Variants in PTPRS observed in about 807,000 individuals in gnomAD.
PTPRS encodes the protein receptor-type tyrosine-protein phosphatase S.
Under a neutral mutation model 215.3 loss-of-function variants are expected in PTPRS, and 63 were observed. The ratio of observed to expected loss-of-function variants is 0.29; its 90% confidence interval spans 0.24 to 0.36. PTPRS has a LOEUF of 0.36. Ranked by LOEUF, PTPRS falls within the 10% of genes least tolerant of loss-of-function variation. PTPRS has a pLI of 1.00. For synonymous variants in PTPRS, 1,404 were observed against 1,191.4 expected, an observed-to-expected ratio of 1.18 and a Z score of -3.68; for missense variants, 2,258 against 2,825.8, an observed-to-expected ratio of 0.80 and a Z score of 4.56.
intron 10 of PTPRS, among the ~76,000 whole-genome samples, chr19:5,245,376 A>G (rs1599661937): frequency 6.8e-6 from 1 of 146,510 alleles, no homozygotes; most frequent in Non-Finnish European, 1.5e-5. Flanking sequence ...GCAGCCTTGA[A>G]CTCCTGGGCT....
intron 1 of PTPRS, among the ~76,000 whole-genome samples, chr19:5,317,995 C>A (rs1003686269): frequency 6.6e-6 from 1 of 152,150 alleles, no homozygotes; most frequent in Non-Finnish European, 1.5e-5. Context: ...CACGGTGAAA[C>A]CCCGTCTCTA....
In PTPRS at chr19:5,340,005, G is replaced by A. The variant is rs942451422; in HGVS notation, c.-95+659C>T. On this transcript the variant is annotated intron_variant, in intron 1 of 37. Transcript: ENST00000262963. ...GTGGGGCAATGCCCGAGTGCCGGAG[G>A]GGCGACCTCCCATAAGGCAACGACA... Among the ~76,000 whole-genome samples, 13 of 151,824 alleles carry A rather than the reference G, an allele frequency of 8.6e-5. No homozygotes were observed. In the East Asian group the frequency reaches 2.5e-3, roughly 30 times the overall value.
rs2040939617 is a variant in PTPRS, at chr19:5,211,971, C to T, written c.5049G>A (p.Glu1683=). The T allele has an allele frequency of 6.2e-7, 1 of 1,601,194 alleles. No individual in the cohort carries two copies. The highest frequency in any genetic ancestry group is 1.8e-4 in the Middle Eastern group (1 of 5,486). Residue 1683 remains glutamate, a synonymous_variant, in exon 32 of 38, where the codon GAG becomes GAA. Coordinates refer to ENST00000262963, the MANE Select transcript of PTPRS (RefSeq NM_002850.4). ...PGEHVTGMEL[E]FKRLANSKAH... is the part of the protein sequence containing the mutation. ...GCCTCCACCCCGCTGGCACCTTGAACTCGAGTTCCATGCCAGTGACGTGTT... is the reference window on the plus strand; with the variant it reads ...GCCTCCACCCCGCTGGCACCTTGAATTCGAGTTCCATGCCAGTGACGTGTT...
intron 2 of PTPRS, among the ~76,000 whole-genome samples, chr19:5,281,624 G>A (rs1410349395): frequency 2.0e-5 from 3 of 152,338 alleles, no homozygotes; most frequent in African/African-American, 7.2e-5. Flanking sequence ...GGCTGGGGCT[G>A]CCCCCTCCTT....
intron 4 of PTPRS, among the ~76,000 whole-genome samples, chr19:5,270,000 G>A (rs2046771436): frequency 6.6e-6 from 1 of 151,200 alleles, no homozygotes; most frequent in Non-Finnish European, 1.5e-5. Flanking sequence ...CCGGGCAGTT[G>A]ATGGCTTCAC....
In PTPRS at chr19:5,212,411, C is replaced by T. The variant is rs61729508; in HGVS notation, c.4695G>A (p.Thr1565=). ...CTCTCCGCAGGAAAGCCAGGAAGGG[C>T]GTTGGGTATTCGGGCACGCCATGGT... ...WPDHGVPEYP[T]PFLAFLRRVK... The change falls in exon 31 of 38, where the codon ACG becomes ACA. Residue 1565 remains threonine (T), a synonymous_variant. Transcript: ENST00000262963. The T allele has an allele frequency of 1.1e-3, 1,755 of 1,605,232 alleles. 3 individuals are homozygous for T. Among genetic ancestry groups the T allele is most frequent in the African/African-American group, 3.0e-3 (228 of 74,852 alleles).
Position 5,273,485 on chromosome 19 carries a change from C to A in PTPRS, c.336G>T (p.Ser112=). The A allele has an allele frequency of 6.2e-7, 1 of 1,614,212 alleles. No individual in the cohort carries two copies. Among genetic ancestry groups the A allele is most frequent in the African/African-American group, 1.3e-5 (1 of 75,054 alleles). ...ENVYECVAQN[S]VGEITVHAKL... ...TGGCATGGACTGTGATCTCCCCAACCGAGTTCTGGGCCACACACTCGTACA... is the reference window on the plus strand; with the variant it reads ...TGGCATGGACTGTGATCTCCCCAACAGAGTTCTGGGCCACACACTCGTACA... Residue 112 remains serine (S), a synonymous_variant, in exon 4 of 38, where the codon TCG becomes TCT. Transcript: ENST00000262963.
In PTPRS at chr19:5,234,788, T is replaced by C. The variant is rs181993750; in HGVS notation, c.1850-3173A>G. Among the ~76,000 whole-genome samples the C allele has an allele frequency of 1.4e-3, 217 of 152,296 alleles. 1 individual carries two copies. Among genetic ancestry groups the C allele is most frequent in the African/African-American group, 4.8e-3 (198 of 41,568 alleles). ...TGTTAAAGGCTTCATCAGAAAACGA[T>C]AGTAGTCACCACATATTAAGCACCT... On this transcript the variant is annotated intron_variant, in intron 13 of 37. Coordinates refer to ENST00000262963, the MANE Select transcript of PTPRS (RefSeq NM_002850.4).
Position 5,215,585 on chromosome 19 carries a change from G to A in PTPRS, c.4107C>T (p.Ser1369=), listed in dbSNP as rs1021700507. Residue 1369 remains serine (S), a synonymous_variant, in exon 27 of 38, where the codon AGC becomes AGT. Transcript: ENST00000262963. ...EPGFHFESML[S]HPPIPIADMA... ...TGTCTGCGATGGGAATTGGCGGGTG[G>A]CTAAGCATGCCTACAGGGTGGAGCA... 1 of 1,606,810 alleles carries A rather than the reference G, an allele frequency of 6.2e-7. No homozygotes were observed. The highest frequency in any genetic ancestry group is 1.7e-5 in the Admixed American group (1 of 59,752).
At chr19:5,289,396 C>T (rs1176108419) in intron 1 of PTPRS, among the ~76,000 whole-genome samples, 1 of 152,198 alleles carries the variant, frequency 6.6e-6, no homozygotes, top group African/African-American at 2.4e-5. Context: ...AGCTCCCGCC[C>T]TTGTCCCTTG....
At chr19:5,317,321 A>C (rs2049904168) in intron 1 of PTPRS, among the ~76,000 whole-genome samples, 3 of 152,116 alleles carry the variant, frequency 2.0e-5, no homozygotes, top group Non-Finnish European at 4.4e-5. Context: ...AAAATACAAA[A>C]ATTAGCCAGG....
rs555639271 is a variant in PTPRS at position 5,223,167 on chromosome 19, C to T, written c.2625G>A (p.Ser875=). The change falls in exon 18 of 38, where the codon TCG becomes TCA. Residue 875 remains serine, a synonymous_variant. Transcript: ENST00000262963. The part of the protein sequence containing the change: ...GYRLQFGRED[S]TPLATLEFPP... Reference sequence around the variant, plus strand: ...GGAACTCCAGGGTGGCCAGGGGCGTCGAGTCCTCACGGCCAAACTGCAGGC... The same window carrying T: ...GGAACTCCAGGGTGGCCAGGGGCGTTGAGTCCTCACGGCCAAACTGCAGGC... The T allele has an allele frequency of 1.4e-4, 217 of 1,565,860 alleles. No individual in the cohort carries two copies. The highest frequency in any genetic ancestry group is 1.1e-3 in the African/African-American group (83 of 72,854).
chr19:5,303,950 C>CAAAAAAAAAAAAAAAATAAAAAAAATA (rs1555805672), intron 1 of PTPRS, among the ~76,000 whole-genome samples: 4 of 95,712 alleles, frequency 4.2e-5, no homozygotes, highest in African/African-American at 2.4e-4. Context: ...GACTCTGTCT[C>CAAAAAAAAAAAAAAAATAAAAAAAATA]AAAAAATAAT....
Position 5,223,411 on chromosome 19 carries a change from G to GT in PTPRS, c.2495-115_2495-114insA, listed in dbSNP as rs2042187970. 29 of 1,268,032 alleles carry GT rather than the reference G, an allele frequency of 2.3e-5. 1 individual carries two copies. The South Asian group carries it at 5.1e-4, about 22-fold the overall frequency. 78.5% of individuals were successfully genotyped at this position (1,268,032 alleles called of 1,614,324 possible). A position where few individuals can be genotyped will look rare whatever the true frequency, so the allele number is the denominator to read the frequency against. ...TTCAATATAACATTTTTTTGAGTTG[G>GT]GGGGGGTCTTACTCTGTTGCCCAGC... On this transcript the variant is annotated intron_variant, in intron 17 of 37. Coordinates refer to ENST00000262963, the MANE Select transcript of PTPRS (RefSeq NM_002850.4).
At chr19:5,221,834 A>G (rs12609207) in intron 19 of PTPRS, among the ~76,000 whole-genome samples, 53,275 of 152,042 alleles carry the variant, frequency 0.35, 11,167 homozygotes, top group East Asian at 0.6. Flanking sequence ...AATATGGACT[A>G]AATCTTAATC....
chr19:5,310,267 C>T (rs948867064), intron 1 of PTPRS, among the ~76,000 whole-genome samples: 1 of 151,874 alleles, frequency 6.6e-6, no homozygotes, highest in Non-Finnish European at 1.5e-5. Context: ...GATTCTGTAG[C>T]TAAAACAGCC....
At position 5,257,885 on chromosome 19, in the gene PTPRS, A is replaced by C. The variant is rs1381222025; in HGVS notation, c.706+132T>G. 1 of 725,564 alleles carries C rather than the reference A, an allele frequency of 1.4e-6. No homozygotes were observed. Among genetic ancestry groups the C allele is most frequent in the Non-Finnish European group, 2.3e-6 (1 of 438,842 alleles). The allele number at this position is 725,564 out of a possible 1,614,324, so 44.9% of individuals were successfully genotyped here. A position where few individuals can be genotyped will look rare whatever the true frequency, so the allele number is the denominator to read the frequency against. On this transcript the variant is annotated intron_variant, in intron 8 of 37. Transcript: ENST00000262963. The surrounding 1 kb of genome is among the most constrained non-coding windows in gnomAD (Gnocchi z 4.4). ...GGGACGCCGCCTCGGCCAAGGTCCC[A>C]CCGCGACCGGGGAGGGGCCTTCCTG...
chr19:5,224,959 T>C (rs1362159047), intron 17 of PTPRS, among the ~76,000 whole-genome samples: 2 of 151,938 alleles, frequency 1.3e-5, no homozygotes, highest in African/African-American at 4.8e-5. Context: ...AGTCAGTCGA[T>C]TGTTCCTGAA....
Position 5,221,806 on chromosome 19 carries a change from G to A in PTPRS, c.3201+317C>T, listed in dbSNP as rs1234144285. 5.3e-5 allele frequency among the ~76,000 whole-genome samples: 8 copies of A among 152,094 alleles called. 1 individual carries two copies. The South Asian group carries it at 1.5e-3, about 28-fold the overall frequency. ...CAGCTAAGCCATGATCTAAGGCTGA[G>A]CCCCAACTCTGATTTCCAATATGGA... is the stretch of plus-strand genomic sequence containing the variant. On this transcript the variant is annotated intron_variant, in intron 19 of 37. Transcript: ENST00000262963.
Sources: gnomAD v4.1 joint callset for allele counts (sites outside exome capture counted in the v4.1 genomes callset) on GRCh38, gnomAD v4.1.1 for gene constraint, Gnocchi (gnomAD v3.1) non-coding constraint, MANE v1.5 for transcripts, NCBI Gene and HGNC (gene_info 2026-07-23, HGNC 2026-07-21) for gene names.